Variants in C13orf42 observed in about 807,000 individuals in gnomAD.
C13orf42 encodes chromosome 13 open reading frame 42.
chr13:51,132,971 CA>C lies in C13orf42; in HGVS notation n.137-19750del, dbSNP rs1593546305. On this transcript the variant is annotated intron_variant and non_coding_transcript_variant, in intron 1 of 4. Coordinates refer to the C13orf42 transcript ENST00000433280. The stretch of plus-strand genomic sequence containing the variant: ...TGCTACACCCTCACCAGCGCCATGA[CA>C]GTTTACAAATGCCATGGCAACATCA... 2.0e-5 allele frequency among the ~76,000 whole-genome samples: 3 copies of C among 152,166 alleles called. No homozygotes were observed. The East Asian group carries it at 5.8e-4, about 29-fold the overall frequency.
At chr13:51,119,065 TGGTGTATGGTGTGCCCA>T (rs1305183522) in intron 1 of C13orf42, among the ~76,000 whole-genome samples, 2 of 145,616 alleles carry the variant, frequency 1.4e-5, no homozygotes, top group Admixed American at 6.8e-5. Context: ...TGGCATGCCC[TGGTGTATGGTGTGCCCA>T]GGTGTATGGC....
chr13:51,139,400 A>T (rs1359136522), intron 1 of C13orf42, among the ~76,000 whole-genome samples: 1 of 152,148 alleles, frequency 6.6e-6, no homozygotes, highest in Non-Finnish European at 1.5e-5. Flanking sequence ...GGAAAAGAAG[A>T]ATTGCTAATC....
At chr13:51,106,751 G>A (rs897798622) in intron 1 of C13orf42, among the ~76,000 whole-genome samples, 4 of 152,284 alleles carry the variant, frequency 2.6e-5, no homozygotes, top group African/African-American at 9.6e-5. Context: ...GGCTTGTCCT[G>A]TTGGTTCAGA....
chr13:51,084,461 A>C, intron 3 of C13orf42, 136 bp from the exon 4 acceptor site: 2 of 393,964 alleles, frequency 5.1e-6, no homozygotes, highest in East Asian at 3.6e-5. Context: ...GGAGGACCAA[A>C]TGGTGTCGCC....
At chr13:51,140,993 C>T (rs556903409) in intron 1 of C13orf42, among the ~76,000 whole-genome samples, 2 of 151,816 alleles carry the variant, frequency 1.3e-5, no homozygotes, top group Admixed American at 1.3e-4. Flanking sequence ...GCATTTTGTC[C>T]TAGCTGAAAT....
Position 51,088,694 on chromosome 13 carries a change from A to G in C13orf42, c.415-619T>C, listed in dbSNP as rs899542415. Among the ~76,000 whole-genome samples the G allele has an allele frequency of 4.6e-5, 7 of 152,356 alleles. No homozygotes were observed. In the South Asian group the frequency reaches 6.2e-4, roughly 14 times the overall value. ...TACCTACTATGTACCCACAAAAATT[A>G]AAAATAAAAATTTTTTTAAATAAAG... On this transcript the variant is annotated intron_variant, in intron 1 of 3. Transcript: ENST00000563710.
Position 51,121,913 on chromosome 13 carries a change from G to T in C13orf42, n.137-8691C>A, listed in dbSNP as rs573641692. Among the ~76,000 whole-genome samples, 117 of 152,246 alleles carry T rather than the reference G, an allele frequency of 7.7e-4. 1 individual carries two copies. The highest frequency in any genetic ancestry group is 1.1e-3 in the Non-Finnish European group (78 of 68,028). ...GAACACAGCAGTTACTAAAAATGAT[G>T]TCTTAGAGCAATAATTAATAATGTA... is the stretch of plus-strand genomic sequence containing the variant. On this transcript the variant is annotated intron_variant and non_coding_transcript_variant, in intron 1 of 4. Coordinates refer to the C13orf42 transcript ENST00000433280.
chr13:51,114,270 G>C (rs900405792), upstream of C13orf42, among the ~76,000 whole-genome samples: 4 of 152,160 alleles, frequency 2.6e-5, no homozygotes, highest in African/African-American at 9.7e-5. Flanking sequence ...GCTTAAGAAA[G>C]TTATTTAAAC....
intron 1 of C13orf42, among the ~76,000 whole-genome samples, chr13:51,096,561 T>C (rs929786731): frequency 6.6e-6 from 1 of 152,236 alleles, no homozygotes; most frequent in Non-Finnish European, 1.5e-5. Flanking sequence ...ATTATTTATT[T>C]ATTTTACCCT....
chr13:51,148,096 T>G (rs934864497), intron 1 of C13orf42, among the ~76,000 whole-genome samples: 6 of 152,220 alleles, frequency 3.9e-5, no homozygotes, highest in Non-Finnish European at 8.8e-5. Context: ...GCTTTGCATC[T>G]GCATAGCACT....
intron 1 of C13orf42, among the ~76,000 whole-genome samples, chr13:51,129,096 G>A (rs772438906): frequency 1.3e-5 from 2 of 152,096 alleles, no homozygotes; most frequent in African/African-American, 2.4e-5. Context: ...TTAATTATCC[G>A]CAAGTGTCTT....
rs1953113683 is a variant in C13orf42 at position 51,085,543 on chromosome 13, C to T, written c.579G>A (p.Arg193=). The T allele has an allele frequency of 2.5e-6, 1 of 398,740 alleles. No individual in the cohort carries two copies. Among genetic ancestry groups the T allele is most frequent in the African/African-American group, 2.1e-5 (1 of 48,618 alleles). 24.7% of individuals were successfully genotyped at this position (398,740 alleles called of 1,614,324 possible). ...TCCAGTTAGAATGCAAGCTGTGCTC[C>T]CTGGAGCTGGTGGCCACTAGAAGAG... The part of the protein sequence containing the change: ...DVDFDVATSS[R]EHSLHSNWIL... The change falls in exon 3 of 4, where the codon AGG becomes AGA. Residue 193 remains arginine (R), a synonymous_variant. Transcript: ENST00000563710.
At chr13:51,126,365 T>C (rs1328791151) in intron 1 of C13orf42, among the ~76,000 whole-genome samples, 1 of 152,214 alleles carries the variant, frequency 6.6e-6, no homozygotes, top group African/African-American at 2.4e-5. Flanking sequence ...AAAGCACCTA[T>C]TCTATTAAGA....
upstream of C13orf42, among the ~76,000 whole-genome samples, chr13:51,115,609 C>A (rs1408968254): frequency 6.6e-6 from 1 of 152,104 alleles, no homozygotes; most frequent in Admixed American, 6.5e-5. Flanking sequence ...ATCCCCTCGA[C>A]CACTCCCCTG....
intron 1 of C13orf42, among the ~76,000 whole-genome samples, chr13:51,135,213 G>A (rs1953648276): frequency 1.3e-5 from 2 of 152,342 alleles, no homozygotes; most frequent in South Asian, 4.1e-4. Flanking sequence ...TCTCAGTGCA[G>A]CTGCGGCTAC....
At chr13:51,171,656 G>C (rs1024866060) in intron 1 of C13orf42, among the ~76,000 whole-genome samples, 1 of 152,012 alleles carries the variant, frequency 6.6e-6, no homozygotes, top group Non-Finnish European at 1.5e-5. Flanking sequence ...TTACAGTTTC[G>C]TTCGGTGACT....
intron 1 of C13orf42, among the ~76,000 whole-genome samples, chr13:51,103,712 A>G (rs1184163554): frequency 6.6e-6 from 1 of 152,182 alleles, no homozygotes; most frequent in African/African-American, 2.4e-5. Context: ...AAAAAAAGAA[A>G]GAAAGGAAGC....
intron 1 of C13orf42, among the ~76,000 whole-genome samples, chr13:51,169,335 T>G (rs1953926972): frequency 6.6e-6 from 1 of 152,244 alleles, no homozygotes; most frequent in Non-Finnish European, 1.5e-5. Flanking sequence ...AAGTCACTTT[T>G]GTTATGCAGG....
At chr13:51,088,785 G>GT (rs1953155058) in intron 1 of C13orf42, among the ~76,000 whole-genome samples, 1 of 152,156 alleles carries the variant, frequency 6.6e-6, no homozygotes, top group Admixed American at 6.5e-5. Flanking sequence ...AATTAGTATG[G>GT]TTGTTTGAAA....
Sources: gnomAD v4.1 joint callset for allele counts (sites outside exome capture counted in the v4.1 genomes callset) on GRCh38, gnomAD v4.1.1 for gene constraint, MANE v1.5 for transcripts, NCBI Gene and HGNC (gene_info 2026-07-23, HGNC 2026-07-21) for gene names.